The following INPP4B variants were observed in gnomAD, a reference collection of about 807,000 sequenced individuals.
INPP4B encodes the protein inositol polyphosphate-4-phosphatase type II B.
Under a neutral mutation model 122.5 loss-of-function variants are expected in INPP4B, and 55 were observed. That is an observed-to-expected ratio of 0.45 (90% confidence interval 0.36 to 0.56). INPP4B has a LOEUF of 0.56. Among genes scored for constraint, INPP4B ranks in the 20% least tolerant of loss-of-function variants. The pLI, the probability that INPP4B is intolerant of heterozygous loss-of-function variation, is 0.00. For missense variants in INPP4B, 1,000 were observed against 1,097.7 expected, an observed-to-expected ratio of 0.91 and a Z score of 1.26; for synonymous variants, 403 against 388.7, an observed-to-expected ratio of 1.04 and a Z score of -0.43.
At chr4:142,580,070 G>A (rs1734744933) in intron 2 of INPP4B, among the ~76,000 whole-genome samples, 1 of 151,088 alleles carries the variant, frequency 6.6e-6, no homozygotes, top group Admixed American at 6.7e-5. Flanking sequence ...ATGGGGTGGA[G>A]GGAGCTGTGG....
chr4:142,177,045 T>A (rs1269393549), intron 15 of INPP4B, among the ~76,000 whole-genome samples: 1 of 152,134 alleles, frequency 6.6e-6, no homozygotes, highest in Non-Finnish European at 1.5e-5. Context: ...CTCTCCCCAA[T>A]ACATTCTTCA....
At chr4:142,506,826 T>C (rs1824090874) in intron 2 of INPP4B, among the ~76,000 whole-genome samples, 1 of 152,210 alleles carries the variant, frequency 6.6e-6, no homozygotes, top group Non-Finnish European at 1.5e-5. Context: ...ATGATTGCTC[T>C]ATTATTATTT....
intron 12 of INPP4B, among the ~76,000 whole-genome samples, chr4:142,233,247 C>T (rs961225622): frequency 4.0e-5 from 6 of 151,866 alleles, no homozygotes; most frequent in African/African-American, 1.2e-4. Flanking sequence ...CCCACAGGTC[C>T]TATACAGAAC....
chr4:142,343,000 C>T (rs192603619), intron 7 of INPP4B, among the ~76,000 whole-genome samples: 2 of 152,060 alleles, frequency 1.3e-5, no homozygotes, highest in Admixed American at 1.3e-4. Flanking sequence ...GGATAGAAAC[C>T]CTGTTATTAG....
At chr4:142,570,070 G>C (rs568564027) in intron 2 of INPP4B, among the ~76,000 whole-genome samples, 62 of 152,180 alleles carry the variant, frequency 4.1e-4, no homozygotes, top group Non-Finnish European at 6.9e-4. Context: ...AGAAAAATTA[G>C]TTTGTGCCTC....
intron 2 of INPP4B, among the ~76,000 whole-genome samples, chr4:142,628,002 T>C (rs1327547953): frequency 2.0e-5 from 3 of 152,104 alleles, no homozygotes; most frequent in African/African-American, 7.2e-5. Flanking sequence ...TGTCGAGGAA[T>C]TTATCCATTT....
chr4:142,618,595 G>T (rs946295257), intron 2 of INPP4B, among the ~76,000 whole-genome samples: 12 of 151,810 alleles, frequency 7.9e-5, no homozygotes, highest in Admixed American at 2.6e-4. Flanking sequence ...TCTCAAAATG[G>T]ATTAAACACT....
chr4:142,424,556 C>T (rs1464051584), intron 5 of INPP4B, among the ~76,000 whole-genome samples: 1 of 152,024 alleles, frequency 6.6e-6, no homozygotes, highest in Non-Finnish European at 1.5e-5. Context: ...TAAATAAAGG[C>T]CATATTGTGC....
chr4:142,788,695 A>C (rs924108161), intron 1 of INPP4B, among the ~76,000 whole-genome samples: 4 of 152,070 alleles, frequency 2.6e-5, no homozygotes, highest in African/African-American at 9.7e-5. Context: ...CTTAGCTCTC[A>C]CTTATGAGTG....
intron 2 of INPP4B, among the ~76,000 whole-genome samples, chr4:142,502,120 T>C (rs562502253): frequency 1.3e-5 from 2 of 152,298 alleles, no homozygotes; most frequent in South Asian, 4.1e-4. Context: ...AGATAACATC[T>C]TAATATATGT....
At chr4:142,579,404 T>C (rs1190210346) in intron 2 of INPP4B, among the ~76,000 whole-genome samples, 1 of 151,992 alleles carries the variant, frequency 6.6e-6, no homozygotes, top group Non-Finnish European at 1.5e-5. Context: ...CAAACTATGA[T>C]AGTTAATTTT....
chr4:142,169,962 C>A, intron 16 of INPP4B, among the ~76,000 whole-genome samples: 1 of 151,612 alleles, frequency 6.6e-6, no homozygotes, highest in Non-Finnish European at 1.5e-5. Context: ...GATTTCTGAG[C>A]TATGAGAGAT....
intron 16 of INPP4B, among the ~76,000 whole-genome samples, chr4:142,165,725 C>T (rs1822389645): frequency 6.6e-6 from 1 of 151,674 alleles, no homozygotes; most frequent in African/African-American, 2.4e-5. Flanking sequence ...AATAACATTT[C>T]TCTTGAATCA....
intron 2 of INPP4B, among the ~76,000 whole-genome samples, chr4:142,585,294 T>A (rs80023868): frequency 0.02 from 3,059 of 152,306 alleles, 47 homozygotes; most frequent in Non-Finnish European, 0.031. Context: ...ATACTGCCTA[T>A]GATTCTATCT....
At chr4:142,745,422 G>A (rs866234107) in intron 1 of INPP4B, among the ~76,000 whole-genome samples, 7 of 151,756 alleles carry the variant, frequency 4.6e-5, no homozygotes, top group Admixed American at 6.6e-5. Flanking sequence ...TTGCCTACTT[G>A]TTTCGTAAAT....
At chr4:142,715,488 TG>T (rs1298491919) in intron 2 of INPP4B, among the ~76,000 whole-genome samples, 123 of 152,160 alleles carry the variant, frequency 8.1e-4, no homozygotes, top group Non-Finnish European at 5.3e-4. Context: ...TAGAATAACA[TG>T]GGGATCTCCA....
rs190046690 is a variant in INPP4B at position 142,569,316 on chromosome 4, C to T, written c.-190-106590G>A. Among the ~76,000 whole-genome samples the T allele has an allele frequency of 5.8e-4, 86 of 147,168 alleles. No individual in the cohort carries two copies. The East Asian group carries it at 0.012, about 20-fold the overall frequency. On this transcript the variant is annotated intron_variant, in intron 2 of 25. Coordinates refer to ENST00000262992, the MANE Select transcript of INPP4B (RefSeq NM_001101669.3). ...GGATTTTTTTTTTTTTTGCTAAAAACAACATATTCCTCTCTATGTTGAAAT... is the reference window on the plus strand; with the variant it reads ...GGATTTTTTTTTTTTTTGCTAAAAATAACATATTCCTCTCTATGTTGAAAT...
intron 12 of INPP4B, among the ~76,000 whole-genome samples, chr4:142,209,293 A>G (rs900825678): frequency 4.6e-5 from 7 of 152,210 alleles, no homozygotes; most frequent in Admixed American, 6.5e-5. Flanking sequence ...CAAAGATGGC[A>G]GACTTCCTAT....
chr4:142,494,647 T>C (rs1822296095), intron 2 of INPP4B, among the ~76,000 whole-genome samples: 1 of 152,198 alleles, frequency 6.6e-6, no homozygotes, highest in Admixed American at 6.5e-5. Flanking sequence ...AAAGATATGG[T>C]TCTATTGTTT....
Sources: gnomAD v4.1 joint callset for allele counts (sites outside exome capture counted in the v4.1 genomes callset) on GRCh38, gnomAD v4.1.1 for gene constraint, MANE v1.5 for transcripts, NCBI Gene and HGNC (gene_info 2026-07-23, HGNC 2026-07-21) for gene names.